BBX: variants seen among roughly 807,000 people sequenced by gnomAD.
BBX encodes HMG box transcription factor BBX.
Under a neutral mutation model 100.2 loss-of-function variants are expected in BBX, and 30 were observed. The ratio of observed to expected loss-of-function variants is 0.30; its 90% CI spans 0.22 to 0.41. The LOEUF is 0.41. Among genes scored for constraint, BBX ranks in the 10% least tolerant of loss-of-function variants. The probability of loss-of-function intolerance (pLI) is 1.00; values close to 1 mark genes in which losing one functional copy is unlikely to be tolerated. For synonymous variants in BBX, 376 were observed against 388.1 expected, an observed-to-expected ratio of 0.97 and a Z score of 0.37; for missense variants, 1,023 against 1,129.8, an observed-to-expected ratio of 0.91 and a Z score of 1.35.
At chr3:107,682,046 G>A (rs1257882988) in intron 3 of BBX, among the ~76,000 whole-genome samples, 1 of 152,008 alleles carries the variant, frequency 6.6e-6, no homozygotes, top group Non-Finnish European at 1.5e-5. Flanking sequence ...AAATCCAGAG[G>A]CCAATTGATA....
intron 2 of BBX, among the ~76,000 whole-genome samples, chr3:107,606,492 CATA>C (rs2054453311): frequency 1.3e-5 from 2 of 152,156 alleles, no homozygotes; most frequent in Admixed American, 6.5e-5. Flanking sequence ...GGCATCATAT[CATA>C]ATAATACCAT....
At chr3:107,706,829 T>C (rs1172670983) in intron 3 of BBX, among the ~76,000 whole-genome samples, 1 of 152,168 alleles carries the variant, frequency 6.6e-6, no homozygotes, top group Admixed American at 6.5e-5. Context: ...GTAAGATGAG[T>C]GATAACATTG....
intron 3 of BBX, among the ~76,000 whole-genome samples, chr3:107,656,286 T>A (rs1447135233): frequency 2.6e-5 from 4 of 152,224 alleles, no homozygotes; most frequent in Non-Finnish European, 4.4e-5. Flanking sequence ...TTGTCCCGTG[T>A]ATCAATAGCT....
At chr3:107,646,712 T>C (rs2057539421) in intron 3 of BBX, among the ~76,000 whole-genome samples, 1 of 152,276 alleles carries the variant, frequency 6.6e-6, no homozygotes, top group East Asian at 1.9e-4. Flanking sequence ...TGAGCAAATA[T>C]AGTAAATATT....
chr3:107,752,448 A>G (rs1369090303), intron 9 of BBX, among the ~76,000 whole-genome samples: 5 of 152,146 alleles, frequency 3.3e-5, no homozygotes, highest in African/African-American at 9.7e-5. Flanking sequence ...TCTTTGACTC[A>G]TTTATTCATT....
chr3:107,768,436 T>G (rs2066572582), intron 10 of BBX, among the ~76,000 whole-genome samples: 1 of 152,214 alleles, frequency 6.6e-6, no homozygotes, highest in African/African-American at 2.4e-5. Flanking sequence ...ATCATCTTCA[T>G]GAAAGGGCTC....
rs996208202 is a variant in BBX, at chr3:107,699,570, G to A, written c.-9-10882G>A. Among the ~76,000 whole-genome samples the A allele has an allele frequency of 2.0e-5, 3 of 152,066 alleles. No homozygotes were observed. In the East Asian group the frequency reaches 5.8e-4, roughly 29 times the overall value. On this transcript the variant is annotated intron_variant, in intron 3 of 17. Coordinates refer to ENST00000325805, the MANE Select transcript of BBX (RefSeq NM_001142568.3). ...CTATAGGTAAGAAGATCAGACAGCT[G>A]AACCAACCTTGTGGGGCTGGAGAGG...
At chr3:107,748,186 T>C in intron 9 of BBX, 147 bp downstream of exon 9, 1 of 606,044 alleles carries the variant, frequency 1.7e-6, no homozygotes, top group Non-Finnish European at 2.7e-6. Context: ...TTTATTGCTT[T>C]TTCTGCTGCC....
intron 3 of BBX, among the ~76,000 whole-genome samples, chr3:107,702,871 T>A (rs898232081): frequency 3.9e-5 from 6 of 152,144 alleles, no homozygotes; most frequent in African/African-American, 9.6e-5. Context: ...TGTGCAGGCC[T>A]GGGAGAGCAG....
chr3:107,588,595 CTT>C, intron 2 of BBX, among the ~76,000 whole-genome samples: 1 of 152,110 alleles, frequency 6.6e-6, no homozygotes, highest in Non-Finnish European at 1.5e-5. Flanking sequence ...AACTGGGTGA[CTT>C]TGTTTAAGCT....
chr3:107,788,052 C>G (rs2068619879), intron 13 of BBX, among the ~76,000 whole-genome samples: 1 of 152,174 alleles, frequency 6.6e-6, no homozygotes, highest in Admixed American at 6.5e-5. Context: ...CATATACACC[C>G]AATATAAGAG....
At chr3:107,777,517 C>T (rs1463392563) in intron 12 of BBX, among the ~76,000 whole-genome samples, 1 of 152,180 alleles carries the variant, frequency 6.6e-6, no homozygotes, top group Non-Finnish European at 1.5e-5. Flanking sequence ...AGTTGTCCTA[C>T]AGCCTCTTCC....
At chr3:107,593,511 A>G (rs1199470298) in intron 2 of BBX, among the ~76,000 whole-genome samples, 5 of 152,204 alleles carry the variant, frequency 3.3e-5, no homozygotes, top group Non-Finnish European at 5.9e-5. Context: ...ACTTTCAAAT[A>G]GTTTTTCTTC....
In BBX at chr3:107,773,176, C is replaced by G; in HGVS notation, c.1455C>G (p.Ser485Arg). Reference sequence around the variant, plus strand: ...AGTCTTCGGAATCTGACATTGAGAGCGTCATATATACCATTGAAGCCGTCG... The same window carrying G: ...AGTCTTCGGAATCTGACATTGAGAGGGTCATATATACCATTGAAGCCGTCG... ...KRQSSESDIE[S>R]VIYTIEAVAK... Residue 485 changes from serine to arginine, a missense_variant, in exon 11 of 18, where the codon AGC becomes AGG. By Grantham distance (110) the Ser-to-Arg change is moderately radical. Coordinates refer to ENST00000325805, the MANE Select transcript of BBX (RefSeq NM_001142568.3). This position sits in a 1 kb window ranked among gnomAD's most constrained non-coding sequence, Gnocchi z 4.1. 6.2e-7 allele frequency: 1 copy of G among 1,614,048 alleles called. No individual in the cohort carries two copies. The highest frequency in any genetic ancestry group is 1.3e-5 in the African/African-American group (1 of 75,012).
At chr3:107,562,142 C>G (rs1413909905) in intron 2 of BBX, among the ~76,000 whole-genome samples, 3 of 149,094 alleles carry the variant, frequency 2.0e-5, no homozygotes, top group South Asian at 2.1e-4. Flanking sequence ...ACATGTAGAT[C>G]TGGATTCTCA....
intron 16 of BBX, 144 bp downstream of exon 16, chr3:107,798,864 A>C: frequency 1.1e-6 from 1 of 951,848 alleles, no homozygotes; most frequent in Non-Finnish European, 1.5e-6. Flanking sequence ...AAACAAAAAA[A>C]ACCAGGCCAG....
chr3:107,693,617 T>C (rs2060347287), intron 3 of BBX, among the ~76,000 whole-genome samples: 1 of 151,828 alleles, frequency 6.6e-6, no homozygotes, highest in South Asian at 2.1e-4. Context: ...TAGTATAGTT[T>C]GAAGTCAGGT....
chr3:107,602,900 T>C (rs1158016110), intron 2 of BBX, among the ~76,000 whole-genome samples: 1 of 152,224 alleles, frequency 6.6e-6, no homozygotes, highest in Non-Finnish European at 1.5e-5. Flanking sequence ...TATATAAACT[T>C]AGTTGACAAA....
chr3:107,619,791 A>G (rs2055600096), intron 2 of BBX, among the ~76,000 whole-genome samples: 1 of 152,094 alleles, frequency 6.6e-6, no homozygotes, highest in African/African-American at 2.4e-5. Flanking sequence ...GTGGTTTCTA[A>G]TGAGGAATCT....
Sources: allele counts gnomAD v4.1 joint callset (sites outside exome capture counted in the v4.1 genomes callset), GRCh38; gene constraint gnomAD v4.1.1; non-coding constraint Gnocchi (gnomAD v3.1); transcripts MANE v1.5; gene names NCBI Gene and HGNC (gene_info 2026-07-23, HGNC 2026-07-21).